Variants in JADE1 observed in about 807,000 individuals in gnomAD.
The protein encoded by JADE1 is jade family PHD finger 1, also known as protein Jade-1.
Under a neutral mutation model 81.8 loss-of-function variants are expected in JADE1, and 14 were observed. The ratio of observed to expected loss-of-function variants is 0.17; its 90% CI spans 0.11 to 0.27. The LOEUF (loss-of-function observed/expected upper bound fraction) is 0.27. Among genes scored for constraint, JADE1 ranks in the 10% least tolerant of loss-of-function variants. The pLI, the probability that JADE1 is intolerant of heterozygous loss-of-function variation, is 1.00. For missense variants in JADE1, 690 were observed against 1,047.9 expected (o/e 0.66, Z 4.71); for synonymous variants, 353 against 391.9 (o/e 0.90, Z 1.17).
chr4:128,858,603 A>AT (rs201166332), intron 8 of JADE1, among the ~76,000 whole-genome samples: 156 of 137,304 alleles, frequency 1.1e-3, no homozygotes, highest in African/African-American at 1.6e-3. Context: ...TGGTTTTAAA[A>AT]TTTTTTTTTT....
intron 10 of JADE1, among the ~76,000 whole-genome samples, chr4:128,868,661 G>C (rs1731961350): frequency 6.6e-6 from 1 of 152,194 alleles, no homozygotes; most frequent in Admixed American, 6.5e-5. Context: ...TAACCTCTCT[G>C]AGATTCCGTT....
intron 1 of JADE1, among the ~76,000 whole-genome samples, chr4:128,813,673 G>A (rs1032545367): frequency 1.3e-5 from 2 of 151,740 alleles, no homozygotes; most frequent in Middle Eastern, 3.4e-3. Context: ...CGCCCGCCCC[G>A]GCCTCTCAAA....
chr4:128,826,559 G>C (rs1365112330), intron 1 of JADE1, among the ~76,000 whole-genome samples: 1 of 149,636 alleles, frequency 6.7e-6, no homozygotes, highest in African/African-American at 2.5e-5. Context: ...CAGTAGAGAC[G>C]GGGTTTTCCC....
Position 128,871,275 on chromosome 4 carries a change from C to A in JADE1, c.1622-80C>A. Reference sequence around the variant, plus strand: ...GGTGGGGAGTTCACATCAATTGGGCCACACTAAGGGTGTAGAATTTTATTC... The same window carrying A: ...GGTGGGGAGTTCACATCAATTGGGCAACACTAAGGGTGTAGAATTTTATTC... On this transcript the variant is annotated intron_variant, in intron 10 of 10. Transcript: ENST00000226319. This position sits in a 1 kb window ranked among gnomAD's most constrained non-coding sequence, Gnocchi z 4.1. 1 of 1,333,484 alleles carries A rather than the reference C, an allele frequency of 7.5e-7. No individual in the cohort carries two copies. The highest frequency in any genetic ancestry group is 1.4e-5 in the South Asian group (1 of 70,280). The allele number at this position is 1,333,484 out of a possible 1,614,324, so 82.6% of individuals were successfully genotyped here.
intron 1 of JADE1, among the ~76,000 whole-genome samples, chr4:128,825,580 T>C (rs17013734): frequency 0.17 from 26,200 of 152,134 alleles, 2,438 homozygotes; most frequent in Middle Eastern, 0.32. Flanking sequence ...TGCTATCTCA[T>C]GTGCATGTAA....
At chr4:128,838,906 C>T (rs1224941712) in intron 2 of JADE1, among the ~76,000 whole-genome samples, 1 of 152,038 alleles carries the variant, frequency 6.6e-6, no homozygotes, top group Non-Finnish European at 1.5e-5. Flanking sequence ...AGGTGCATTC[C>T]AAGCAGGAAA....
chr4:128,862,776 C>G, intron 9 of JADE1: 2 of 1,004,500 alleles, frequency 2.0e-6, no homozygotes, highest in Non-Finnish European at 2.4e-6. Flanking sequence ...ATTCCCAGTA[C>G]TGTCATGGAG....
At chr4:128,862,895 T>C in intron 9 of JADE1, 1 of 511,892 alleles carries the variant, frequency 2.0e-6, no homozygotes, top group Non-Finnish European at 2.3e-6. Flanking sequence ...TCACTGAGGC[T>C]GTGTGTGTGT....
At chr4:128,850,384 G>A (rs1234899610) in intron 5 of JADE1, among the ~76,000 whole-genome samples, 3 of 151,942 alleles carry the variant, frequency 2.0e-5, no homozygotes, top group East Asian at 1.9e-4. Flanking sequence ...GACCTTTTGC[G>A]TCTTTCCAGG....
At position 128,871,365 on chromosome 4, in the gene JADE1, T is replaced by C; in HGVS notation, c.1632T>C (p.Ser544=). ...GTTTTATGTTTATAGGTGTGCCTTC[T>C]TCCTGCTCCTCCTCCTCACTGGAAA... ...LEQERVSGVP[S]SCSSSSLENM... Residue 544 remains serine, a synonymous_variant, in exon 11 of 11, where the codon TCT becomes TCC. Transcript: ENST00000226319. This position sits in a 1 kb window ranked among gnomAD's most constrained non-coding sequence, Gnocchi z 4.1. The C allele has an allele frequency of 6.2e-7, 1 of 1,613,080 alleles. No homozygotes were observed. The highest frequency in any genetic ancestry group is 8.5e-7 in the Non-Finnish European group (1 of 1,179,302).
intron 6 of JADE1, among the ~76,000 whole-genome samples, chr4:128,854,630 T>C (rs970573451): frequency 1.3e-5 from 2 of 152,196 alleles, no homozygotes; most frequent in East Asian, 3.9e-4. Context: ...TCAGATTGCA[T>C]AGTGGCTGTG....
intron 2 of JADE1, among the ~76,000 whole-genome samples, chr4:128,842,271 C>T (rs1488396351): frequency 6.6e-6 from 1 of 151,832 alleles, no homozygotes; most frequent in Non-Finnish European, 1.5e-5. Context: ...TTCCTGAAAA[C>T]TCAGTAAGAT....
chr4:128,871,505 T>A lies in JADE1; in HGVS notation c.1772T>A (p.Leu591Gln). Reference sequence around the variant, plus strand: ...ATGGGTACTTCCTTGGTTCATTCGCTGAAAAAGCCCCATAAGCGAGATCCT... The same window carrying A: ...ATGGGTACTTCCTTGGTTCATTCGCAGAAAAAGCCCCATAAGCGAGATCCT... The part of the protein sequence containing the change: ...KQMGTSLVHS[L>Q]KKPHKRDPLQ... The change falls in exon 11 of 11, where the codon CTG becomes CAG. Residue 591 changes from leucine to glutamine, a missense_variant. By Grantham distance (113) the Leu-to-Gln change is moderately radical (BLOSUM62 -2). This residue lies in a region of JADE1 where 86 missense variants were observed against 95.4 expected (regional missense o/e 0.90). Transcript: ENST00000226319. The surrounding 1 kb of genome is among the most constrained non-coding windows in gnomAD (Gnocchi z 4.1). 6.2e-7 allele frequency: 1 copy of A among 1,614,144 alleles called. No homozygotes were observed. The highest frequency in any genetic ancestry group is 8.5e-7 in the Non-Finnish European group (1 of 1,180,026).
intron 9 of JADE1, among the ~76,000 whole-genome samples, chr4:128,865,502 G>A (rs1480174343): frequency 6.6e-6 from 1 of 151,704 alleles, no homozygotes; most frequent in Non-Finnish European, 1.5e-5. Flanking sequence ...TGGAACGGGT[G>A]CAGGAAGAAG....
chr4:128,833,292 C>G (rs958395721), intron 2 of JADE1, among the ~76,000 whole-genome samples: 1 of 152,160 alleles, frequency 6.6e-6, no homozygotes, highest in Admixed American at 6.5e-5. Flanking sequence ...GAGGCAAAAA[C>G]ATCATTGGGA....
In JADE1 at chr4:128,871,777, C is replaced by A. The variant is rs1181303256; in HGVS notation, c.2044C>A (p.His682Asn). ...DLKDKSFKQSHKPLRSTDVSQ... is the reference protein window; with the variant it reads ...DLKDKSFKQSNKPLRSTDVSQ... ...AAAGGACAAATCTTTTAAACAGAGT[C>A]ACAAGCCTCTCAGGTCCACAGATGT... Residue 682 changes from histidine to asparagine, a missense_variant, in exon 11 of 11, where the codon CAC (histidine) becomes AAC (asparagine). Coordinates refer to ENST00000226319, the MANE Select transcript of JADE1 (RefSeq NM_199320.4). The surrounding 1 kb of genome is among the most constrained non-coding windows in gnomAD (Gnocchi z 4.1). 1.9e-6 allele frequency: 3 copies of A among 1,614,108 alleles called. No individual in the cohort carries two copies. The South Asian group carries it at 3.3e-5, about 18-fold the overall frequency.
intron 1 of JADE1, among the ~76,000 whole-genome samples, chr4:128,817,385 A>G (rs974990868): frequency 6.6e-6 from 1 of 152,036 alleles, no homozygotes; most frequent in Non-Finnish European, 1.5e-5. Context: ...TGTGCAGGAG[A>G]TTTTATTATT....
chr4:128,862,353 G>T, intron 9 of JADE1, 128 bp downstream of exon 9: 1 of 1,464,870 alleles, frequency 6.8e-7, no homozygotes, highest in Non-Finnish European at 9.0e-7. Flanking sequence ...ACAGCATGAG[G>T]TTGTGTTGGT....
chr4:128,850,684 G>A (rs1730276592), intron 5 of JADE1, among the ~76,000 whole-genome samples: 1 of 152,202 alleles, frequency 6.6e-6, no homozygotes, highest in Non-Finnish European at 1.5e-5. Flanking sequence ...AGATGATACA[G>A]TTTCTGCTGT....
Sources: gnomAD v4.1 joint callset for allele counts (sites outside exome capture counted in the v4.1 genomes callset) on GRCh38, gnomAD v4.1.1 for gene constraint, gnomAD v4.1.1 regional missense constraint, Gnocchi (gnomAD v3.1) non-coding constraint, MANE v1.5 for transcripts, NCBI Gene and HGNC (gene_info 2026-07-23, HGNC 2026-07-21) for gene names.